The following XPNPEP2 variants were observed in gnomAD, a reference collection of about 807,000 sequenced individuals.
XPNPEP2 encodes xaa-Pro aminopeptidase 2.
Under a neutral mutation model 59.8 loss-of-function variants are expected in XPNPEP2, and 64 were observed. That is an observed-to-expected ratio of 1.07 (90% CI 0.87 to 1.32). The LOEUF (loss-of-function observed/expected upper bound fraction) is 1.32. Ranked by LOEUF, XPNPEP2 falls within the 40% of genes most tolerant of loss-of-function variation. XPNPEP2 has a pLI of 0.00. For missense variants in XPNPEP2, 575 were observed against 546.8 expected (o/e 1.05, Z -0.51); for synonymous variants, 235 against 210.0 (o/e 1.12, Z -1.03).
intron 20 of XPNPEP2, 92 bp downstream of exon 20, chrX:129,767,784 C>G: frequency 8.5e-6 from 8 of 937,339 alleles, no homozygotes; most frequent in Non-Finnish European, 1.1e-5. Flanking sequence ...GCCCCTCCTC[C>G]AGGAGGGTCC....
intron 13 of XPNPEP2, among the ~76,000 whole-genome samples, 193 bp downstream of exon 13, chrX:129,755,564 A>C (rs759679052): frequency 5.4e-5 from 6 of 111,408 alleles, no homozygotes; most frequent in African/African-American, 2.0e-4. Context: ...AAGGCCTGAG[A>C]GCTGGAGGCT....
At position 129,742,197 on chromosome X, in the gene XPNPEP2, C is replaced by A. The variant is rs1458652569; in HGVS notation, c.123+16C>A. 18 of 850,780 alleles carry A rather than the reference C, an allele frequency of 2.1e-5. No homozygotes were observed. Among genetic ancestry groups the A allele is most frequent in the East Asian group, 7.1e-5 (1 of 14,065 alleles). The allele number at this position is 850,780 out of a possible 1,213,427, so 70.1% of individuals were successfully genotyped here. On this transcript the variant is annotated intron_variant, in intron 2 of 20. Transcript: ENST00000371106. ...CAACCCCCCTGTGAGTGCCCCCTGC[C>A]CCCCGCGCACGGCCCCCCTGGCCCC...
chrX:129,762,552 T>C, intron 18 of XPNPEP2, 142 bp from the exon 19 acceptor site: 1 of 510,741 alleles, frequency 2.0e-6, no homozygotes, highest in Non-Finnish European at 3.4e-6. Context: ...AACAAACATC[T>C]AACCAGTTGT....
intron 14 of XPNPEP2, among the ~76,000 whole-genome samples, chrX:129,758,667 A>G (rs1232628998): frequency 8.9e-6 from 1 of 112,188 alleles, no homozygotes; most frequent in African/African-American, 3.2e-5. Flanking sequence ...GCATGGCCTC[A>G]ATGGCCTCAT....
At position 129,746,218 on chromosome X, in the gene XPNPEP2, T is replaced by G. The variant is rs1926292725; in HGVS notation, c.299-18T>G. The G allele has an allele frequency of 8.3e-7, 1 of 1,202,446 alleles. No homozygotes were observed. The highest frequency in any genetic ancestry group is 2.2e-5 in the Admixed American group (1 of 45,715). On this transcript the variant is annotated intron_variant, in intron 4 of 20. Coordinates refer to ENST00000371106, the MANE Select transcript of XPNPEP2 (RefSeq NM_003399.6). The stretch of plus-strand genomic sequence containing the variant: ...CTCCCCTTCACCCTCACCTGCAAGT[T>G]TCTCTGTTCTGCCCCAGGAACTGCA...
chrX:129,762,460 G>GCTTCC (rs1434185869), intron 18 of XPNPEP2, among the ~76,000 whole-genome samples: 19 of 111,958 alleles, frequency 1.7e-4, no homozygotes, highest in Admixed American at 3.8e-4. Flanking sequence ...TCCCTGCTGG[G>GCTTCC]CTACAGGGAA....
chrX:129,754,274 G>A (rs758454063), intron 11 of XPNPEP2, among the ~76,000 whole-genome samples, 198 bp from the exon 12 acceptor site: 4 of 112,234 alleles, frequency 3.6e-5, no homozygotes, highest in East Asian at 2.8e-4. Context: ...CATTTCTGCC[G>A]TCAACACAGA....
chrX:129,754,581 G>A lies in XPNPEP2; in HGVS notation c.1217G>A (p.Gly406Glu). ...GCAGAGATCGTGGACAAGTTCCGAG[G>A]GTGAAGAGCCACGGCCGTCCTTTTT... ...SGAEIVDKFR[G>E]EEQFSSGPSF... The change falls in exon 12 of 21, where the codon GGA becomes GAA. Residue 406 changes from glycine (G) to glutamate (E), a missense_variant and splice_region_variant. Gly to Glu is a moderately conservative substitution (Grantham distance 98). Transcript: ENST00000371106. 8.5e-7 allele frequency: 1 copy of A among 1,180,137 alleles called. No individual in the cohort carries two copies. Among genetic ancestry groups the A allele is most frequent in the Non-Finnish European group, 1.1e-6 (1 of 879,196 alleles).
chrX:129,743,981 C>G lies in XPNPEP2; in HGVS notation c.144C>G (p.Val48=), dbSNP rs1360303093. 5.0e-6 allele frequency: 6 copies of G among 1,209,813 alleles called. No homozygotes were observed. The highest frequency in any genetic ancestry group is 4.3e-5 in the Admixed American group (2 of 46,048). Residue 48 remains valine (V), a synonymous_variant, in exon 3 of 21, where the codon GTC becomes GTG. Coordinates refer to ENST00000371106, the MANE Select transcript of XPNPEP2 (RefSeq NM_003399.6). The stretch of plus-strand genomic sequence containing the variant: ...GTCAGTACCTTCCAGTTACTGTGGT[C>G]AATACCACAATGTCACTCACAGCCC... The part of the protein sequence containing the change: ...TNPPYLPVTV[V]NTTMSLTALR...
intron 14 of XPNPEP2, 105 bp downstream of exon 14, chrX:129,756,660 C>A: frequency 1.2e-6 from 1 of 852,742 alleles, no homozygotes; most frequent in Non-Finnish European, 1.7e-6. Context: ...GATTCTTCGT[C>A]TGAAAAAGGA....
intron 14 of XPNPEP2, among the ~76,000 whole-genome samples, chrX:129,757,796 G>GAAGAAAGGAAGA (rs1926555975): frequency 3.0e-5 from 1 of 33,435 alleles, no homozygotes; most frequent in African/African-American, 1.2e-4. Context: ...ACTATAAAAG[G>GAAGAAAGGAAGA]AAGAAAGAAA....
chrX:129,769,385 C>T lies in XPNPEP2; in HGVS notation c.*900C>T, dbSNP rs1249820486. 2 of 112,324 alleles carry T rather than the reference C, an allele frequency of 1.8e-5. No homozygotes were observed. The highest frequency in any genetic ancestry group is 6.5e-5 in the African/African-American group (2 of 30,898). The allele number at this position is 112,324 out of a possible 1,213,427, so 9.3% of individuals were successfully genotyped here. On this transcript the variant is annotated 3_prime_UTR_variant, in exon 21 of 21. Transcript: ENST00000371106. ...GAGCCAGCATTCCAGCTCTTTCACC[C>T]TTCAGCAACATGCAGAGTCCCTGAG... is the stretch of plus-strand genomic sequence containing the variant.
chrX:129,758,160 G>A (rs1926590558), intron 14 of XPNPEP2, among the ~76,000 whole-genome samples: 2 of 111,689 alleles, frequency 1.8e-5, no homozygotes, highest in South Asian at 7.4e-4. Context: ...ATGTGCTAAC[G>A]ACAGAGGCTC....
intron 14 of XPNPEP2, among the ~76,000 whole-genome samples, chrX:129,757,801 AAG>A (rs1429132072): frequency 3.9e-5 from 2 of 51,636 alleles, no homozygotes; most frequent in East Asian, 1.1e-3. Context: ...AAAAGGAAGA[AAG>A]AAAGAAAGAA....
intron 20 of XPNPEP2, 27 bp from the exon 21 acceptor site, chrX:129,768,264 G>A (rs746438784): frequency 1.8e-6 from 2 of 1,135,251 alleles, no homozygotes; most frequent in Admixed American, 3.0e-5. Flanking sequence ...GGCTTAGAGA[G>A]GCTGTCACCC....
intron 14 of XPNPEP2, 125 bp from the exon 15 acceptor site, chrX:129,759,055 G>C: frequency 1.3e-6 from 1 of 770,405 alleles, no homozygotes. Context: ...TATGGTAGCT[G>C]TCTTCTTCCT....
chrX:129,755,455 G>A lies in XPNPEP2; in HGVS notation c.1295+84G>A, dbSNP rs1031218126. 3.1e-6 allele frequency: 3 copies of A among 979,126 alleles called. No individual in the cohort carries two copies. The Admixed American group carries it at 6.9e-5, about 22-fold the overall frequency. The allele number at this position is 979,126 out of a possible 1,213,427, so 80.7% of individuals were successfully genotyped here. ...AGGAACAGGGTGAGGGGAGGGGGAT[G>A]TTCTGGGACCTGAGTCCACGTTGAA... On this transcript the variant is annotated intron_variant, in intron 13 of 20. Coordinates refer to ENST00000371106, the MANE Select transcript of XPNPEP2 (RefSeq NM_003399.6).
intron 11 of XPNPEP2, 34 bp from the exon 12 acceptor site, chrX:129,754,438 C>G: frequency 8.8e-7 from 1 of 1,139,194 alleles, no homozygotes; most frequent in Non-Finnish European, 1.2e-6. Flanking sequence ...AGACCTCACC[C>G]GGCTCCTCTG....
intron 12 of XPNPEP2, 139 bp downstream of exon 12, chrX:129,754,720 A>G (rs1926485934): frequency 1.8e-6 from 1 of 569,298 alleles, no homozygotes; most frequent in Non-Finnish European, 2.7e-6. Context: ...GGCTCTGGAG[A>G]ACAAGGAGTG....
Sources: allele counts gnomAD v4.1 joint callset (sites outside exome capture counted in the v4.1 genomes callset), GRCh38; gene constraint gnomAD v4.1.1; transcripts MANE v1.5; gene names NCBI Gene and HGNC (gene_info 2026-07-23, HGNC 2026-07-21).